PPFIA2: variants seen among roughly 807,000 people sequenced by gnomAD.
PPFIA2 encodes the protein PPFI scaffold protein A2, also known as liprin-alpha-2.
Under a neutral mutation model 175.5 loss-of-function variants are expected in PPFIA2, and 46 were observed. The ratio of observed to expected loss-of-function variants is 0.26; its 90% CI spans 0.21 to 0.34. The LOEUF is 0.34. Ranked by LOEUF, PPFIA2 falls within the 10% of genes least tolerant of loss-of-function variation. The pLI, the probability that PPFIA2 is intolerant of heterozygous loss-of-function variation, is 1.00. For missense variants in PPFIA2, 1,179 were observed against 1,506.1 expected (o/e 0.78, Z 3.60); for synonymous variants, 568 against 511.4 (o/e 1.11, Z -1.49).
chr12:81,704,837 A>G (rs981949643), intron 3 of PPFIA2, among the ~76,000 whole-genome samples: 2 of 151,850 alleles, frequency 1.3e-5, no homozygotes, highest in South Asian at 4.1e-4. Flanking sequence ...TAATCCCAGC[A>G]CTTTGGGAGG....
chr12:81,584,342 T>C (rs2074870342), intron 4 of PPFIA2, among the ~76,000 whole-genome samples: 1 of 151,874 alleles, frequency 6.6e-6, no homozygotes, highest in Non-Finnish European at 1.5e-5. Context: ...CCATATATCA[T>C]TTAGGATTTC....
rs148528350 is a variant in PPFIA2 at position 81,659,003 on chromosome 12, A to G, written c.303+17788T>C. 2.1e-3 allele frequency among the ~76,000 whole-genome samples: 318 copies of G among 152,308 alleles called. 2 individuals are homozygous for G. The highest frequency in any genetic ancestry group is 7.2e-3 in the African/African-American group (300 of 41,582). ...TTTGCATATTTTGCCCTATTTCATT[A>G]ACACTGATTTTCCTTCACAAGCCTT... On this transcript the variant is annotated intron_variant, in intron 4 of 32. Transcript: ENST00000549396.
At chr12:81,533,676 G>A (rs558752197) in intron 4 of PPFIA2, among the ~76,000 whole-genome samples, 3 of 150,424 alleles carry the variant, frequency 2.0e-5, no homozygotes, top group Admixed American at 6.7e-5. Flanking sequence ...TGATTGTAAC[G>A]GTTTCTAAAT....
intron 8 of PPFIA2, among the ~76,000 whole-genome samples, chr12:81,394,242 C>T (rs756393306): frequency 6.6e-6 from 1 of 151,934 alleles, no homozygotes; most frequent in East Asian, 1.9e-4. Context: ...CAACATTGGC[C>T]CCAAGAGGCT....
intron 24 of PPFIA2, among the ~76,000 whole-genome samples, chr12:81,293,995 A>G (rs2045748493): frequency 6.6e-6 from 1 of 151,004 alleles, no homozygotes; most frequent in African/African-American, 2.4e-5. Context: ...TAGCAACATA[A>G]ATGGAACTGG....
At chr12:81,463,766 C>A (rs953568395) in intron 4 of PPFIA2, among the ~76,000 whole-genome samples, 1 of 152,070 alleles carries the variant, frequency 6.6e-6, no homozygotes, top group Admixed American at 6.6e-5. Context: ...CTACTTTTCT[C>A]TGAAATTAAT....
At chr12:81,367,072 T>A (rs758526897) in intron 14 of PPFIA2, 36 bp downstream of exon 14, 1 of 1,448,994 alleles carries the variant, frequency 6.9e-7, no homozygotes, top group Non-Finnish European at 9.1e-7. Context: ...AAAATAAAAA[T>A]AGAAAATGGG....
chr12:81,699,415 G>A (rs1004887605), intron 3 of PPFIA2, among the ~76,000 whole-genome samples: 1 of 151,524 alleles, frequency 6.6e-6, no homozygotes, highest in African/African-American at 2.4e-5. Context: ...TAGTATAAAG[G>A]TTTTTTCACC....
intron 8 of PPFIA2, among the ~76,000 whole-genome samples, chr12:81,394,610 C>G (rs56137195): frequency 0.14 from 20,673 of 151,776 alleles, 1,972 homozygotes; most frequent in East Asian, 0.36. Flanking sequence ...ACAACGAGAA[C>G]ACATGGACAC....
chr12:81,748,075 G>A (rs1048027214), intron 3 of PPFIA2, among the ~76,000 whole-genome samples: 1 of 144,232 alleles, frequency 6.9e-6, no homozygotes, highest in Non-Finnish European at 1.6e-5. Flanking sequence ...AACAAAGGAA[G>A]GAGCCCCAAT....
At chr12:81,629,008 C>T (rs1353113916) in intron 4 of PPFIA2, among the ~76,000 whole-genome samples, 1 of 152,104 alleles carries the variant, frequency 6.6e-6, no homozygotes, top group African/African-American at 2.4e-5. Context: ...GCACACTGCC[C>T]TGGGTAATCT....
In PPFIA2 at chr12:81,329,195, G is replaced by A. The variant is rs75912515; in HGVS notation, c.2549-3325C>T. Among the ~76,000 whole-genome samples, 230 of 152,222 alleles carry A rather than the reference G, an allele frequency of 1.5e-3. 3 individuals are homozygous for A. The East Asian group carries it at 0.028, about 18-fold the overall frequency. On this transcript the variant is annotated intron_variant, in intron 21 of 32. Coordinates refer to ENST00000549396, the MANE Select transcript of PPFIA2 (RefSeq NM_003625.5). Reference sequence around the variant, plus strand: ...TACTCATTCTTCAGGAGGTCTATTAGGAAACTATGTGGAAAGAACACAATG... The same window carrying A: ...TACTCATTCTTCAGGAGGTCTATTAAGAAACTATGTGGAAAGAACACAATG...
intron 32 of PPFIA2, 26 bp downstream of exon 32, chr12:81,261,923 T>C: frequency 6.8e-7 from 1 of 1,469,622 alleles, no homozygotes; most frequent in Non-Finnish European, 9.2e-7. Context: ...CTTTTTTTTT[T>C]TGTCAGCCAA....
chr12:81,682,464 T>G (rs140512072), intron 3 of PPFIA2, among the ~76,000 whole-genome samples: 1 of 152,006 alleles, frequency 6.6e-6, no homozygotes, highest in African/African-American at 2.4e-5. Context: ...TTGGGACTAG[T>G]TTTTAGATTC....
intron 4 of PPFIA2, among the ~76,000 whole-genome samples, chr12:81,495,265 T>C (rs1239083174): frequency 6.6e-6 from 1 of 152,142 alleles, no homozygotes; most frequent in Non-Finnish European, 1.5e-5. Context: ...GTATGGAATT[T>C]CTGATATAAT....
At chr12:81,351,890 TG>T (rs1430818692) in intron 17 of PPFIA2, among the ~76,000 whole-genome samples, 1 of 151,982 alleles carries the variant, frequency 6.6e-6, no homozygotes, top group African/African-American at 2.4e-5. Flanking sequence ...TGGGTAGCAG[TG>T]TGAGACCCTA....
At chr12:81,622,532 G>GA (rs2062177290) in intron 4 of PPFIA2, among the ~76,000 whole-genome samples, 3 of 152,072 alleles carry the variant, frequency 2.0e-5, no homozygotes, top group African/African-American at 7.2e-5. Flanking sequence ...AGAGGTAAAG[G>GA]AAAAAATCAG....
chr12:81,635,829 T>G (rs983114538), intron 4 of PPFIA2, among the ~76,000 whole-genome samples: 1 of 152,046 alleles, frequency 6.6e-6, no homozygotes. Context: ...TCAGATCAAG[T>G]TGGAAGGAGT....
chr12:81,351,983 T>C (rs1369263344), intron 17 of PPFIA2, among the ~76,000 whole-genome samples: 1 of 152,068 alleles, frequency 6.6e-6, no homozygotes, highest in Non-Finnish European at 1.5e-5. Context: ...AGTAGTAATA[T>C]GTTTGGTTTA....
Sources: allele counts gnomAD v4.1 joint callset (sites outside exome capture counted in the v4.1 genomes callset), GRCh38; gene constraint gnomAD v4.1.1; transcripts MANE v1.5; gene names NCBI Gene and HGNC (gene_info 2026-07-23, HGNC 2026-07-21).